Variants in HACD3 observed in about 807,000 individuals in gnomAD.
The protein encoded by HACD3 is very-long-chain (3R)-3-hydroxyacyl-CoA dehydratase 3.
Under a neutral mutation model 55.2 loss-of-function variants are expected in HACD3, and 30 were observed. That is an observed-to-expected ratio of 0.54 (90% CI 0.41 to 0.74). The LOEUF (loss-of-function observed/expected upper bound fraction) is 0.74, where lower values mean the gene tolerates loss of function less well. Among genes scored for constraint, HACD3 ranks in the 30% least tolerant of loss-of-function variants. The probability of loss-of-function intolerance (pLI) is 0.00; values close to 1 mark genes in which losing one functional copy is unlikely to be tolerated. For synonymous variants in HACD3, 141 were observed against 151.7 expected (o/e 0.93, Z 0.52); for missense variants, 363 against 440.1 (o/e 0.82, Z 1.57).
chr15:65,531,608 C>T (rs1386879544), intron 1 of HACD3, among the ~76,000 whole-genome samples: 1 of 151,952 alleles, frequency 6.6e-6, no homozygotes, highest in African/African-American at 2.4e-5. Context: ...TCTTGTCGCC[C>T]AGGCTGGAGT....
intron 2 of HACD3, 148 bp from the exon 3 acceptor site, chr15:65,554,739 C>T (rs965163676): frequency 1.0e-5 from 5 of 499,940 alleles, no homozygotes; most frequent in South Asian, 2.1e-5. Context: ...CATGCCACTG[C>T]ACTCCAGCCT....
At chr15:65,565,481 A>C (rs968886395) in intron 7 of HACD3, 2 of 152,288 alleles carry the variant, frequency 1.3e-5, no homozygotes, top group African/African-American at 4.8e-5. Flanking sequence ...GGAGGTTTCC[A>C]AACCTCAATT....
At chr15:65,540,374 A>T (rs1410436711) in intron 1 of HACD3, among the ~76,000 whole-genome samples, 1 of 152,230 alleles carries the variant, frequency 6.6e-6, no homozygotes, top group Non-Finnish European at 1.5e-5. Context: ...AATTACCTAG[A>T]TAAAGTGCTA....
At chr15:65,567,019 A>G (rs951634153) in intron 7 of HACD3, 21 of 152,196 alleles carry the variant, frequency 1.4e-4, no homozygotes, top group African/African-American at 5.1e-4. Context: ...GAAAAGTACA[A>G]TAATCAAACT....
intron 1 of HACD3, among the ~76,000 whole-genome samples, chr15:65,532,632 C>CA (rs564490649): frequency 0.02 from 1,300 of 66,424 alleles, 10 homozygotes; most frequent in African/African-American, 0.037. Context: ...AACTCTGTCT[C>CA]AAAAAAAAAA....
In HACD3 at chr15:65,532,359, C is replaced by T. The variant is rs571327195; in HGVS notation, c.87+1641C>T. The stretch of plus-strand genomic sequence containing the variant: ...GTACGGAACAGGCCAGGTGCTGTGG[C>T]TCACGCCTGTAATGCCAACACTTTG... On this transcript the variant is annotated intron_variant, in intron 1 of 10. Transcript: ENST00000261875. Among the ~76,000 whole-genome samples the T allele has an allele frequency of 4.6e-5, 7 of 152,312 alleles. No homozygotes were observed. The South Asian group carries it at 1.4e-3, about 32-fold the overall frequency.
At chr15:65,566,538 G>C in intron 7 of HACD3, 1 of 156,920 alleles carries the variant, frequency 6.4e-6, no homozygotes, top group Non-Finnish European at 1.4e-5. Context: ...GCCAGATCTT[G>C]TGAGACTTAT....
At chr15:65,532,613 C>T (rs898913044) in intron 1 of HACD3, among the ~76,000 whole-genome samples, 2 of 111,194 alleles carry the variant, frequency 1.8e-5, no homozygotes, top group Non-Finnish European at 3.7e-5. Flanking sequence ...GCCTGGGCAA[C>T]AAGAGTGAAA....
intron 1 of HACD3, among the ~76,000 whole-genome samples, chr15:65,541,959 G>A (rs2072023377): frequency 1.3e-5 from 2 of 152,038 alleles, no homozygotes; most frequent in East Asian, 1.9e-4. Context: ...GGCCGGGTGC[G>A]GTGGCTCACG....
intron 7 of HACD3, chr15:65,565,695 A>C (rs1026618908): frequency 6.6e-6 from 1 of 152,266 alleles, no homozygotes; most frequent in African/African-American, 2.4e-5. Flanking sequence ...AGGGACTGCC[A>C]TGAAGGCCTC....
intron 1 of HACD3, among the ~76,000 whole-genome samples, chr15:65,548,279 G>A (rs1322625739): frequency 2.6e-5 from 4 of 152,050 alleles, no homozygotes; most frequent in Non-Finnish European, 5.9e-5. Flanking sequence ...GTAGGCTGAG[G>A]TGGAGGATTA....
chr15:65,530,729 G>A lies in HACD3; in HGVS notation c.87+11G>A, dbSNP rs1446033884. On this transcript the variant is annotated intron_variant, in intron 1 of 10. Coordinates refer to ENST00000261875, the MANE Select transcript of HACD3 (RefSeq NM_016395.4). ...CTGAGTGACGTACAGGTAAAGGCCG[G>A]GTCGGGCGGCGGGAAGCGCGCGGGA... 1 of 1,541,852 alleles carries A rather than the reference G, an allele frequency of 6.5e-7. No homozygotes were observed. The highest frequency in any genetic ancestry group is 2.0e-5 in the Admixed American group (1 of 50,362).
intron 7 of HACD3, chr15:65,566,332 T>TA (rs2072290778): frequency 6.3e-6 from 1 of 157,676 alleles, no homozygotes; most frequent in Non-Finnish European, 1.4e-5. Context: ...TTTACTGTAT[T>TA]AGTCCGTTTT....
At chr15:65,541,129 A>G (rs542695171) in intron 1 of HACD3, among the ~76,000 whole-genome samples, 1 of 152,328 alleles carries the variant, frequency 6.6e-6, no homozygotes, top group East Asian at 1.9e-4. Flanking sequence ...TCTTGTTATA[A>G]ACAATTTCCA....
intron 1 of HACD3, among the ~76,000 whole-genome samples, chr15:65,532,428 C>G (rs959776565): frequency 7.2e-5 from 11 of 152,072 alleles, no homozygotes; most frequent in Admixed American, 7.2e-4. Context: ...GAGTTCGACA[C>G]CAGCCTGACC....
At position 65,537,694 on chromosome 15, in the gene HACD3, G is replaced by T. The variant is rs971762410; in HGVS notation, c.87+6976G>T. ...TTTAATCCCAGCTACTTGGGAGGCT[G>T]AGGCAGGAGAATCGCTTGGATCTGG... On this transcript the variant is annotated intron_variant, in intron 1 of 10. Transcript: ENST00000261875. 4.7e-5 allele frequency among the ~76,000 whole-genome samples: 7 copies of T among 148,396 alleles called. No homozygotes were observed. In the Admixed American group the frequency reaches 4.8e-4, roughly 10 times the overall value.
chr15:65,555,072 A>G (rs2072175619), intron 3 of HACD3, 112 bp downstream of exon 3: 1 of 829,520 alleles, frequency 1.2e-6, no homozygotes, highest in Non-Finnish European at 1.9e-6. Flanking sequence ...CCAAAGGGGA[A>G]TAATAGAGTT....
chr15:65,557,939 GT>G (rs11360331), intron 4 of HACD3, among the ~76,000 whole-genome samples: 84,070 of 110,270 alleles, frequency 0.76, 30,861 homozygotes, highest in East Asian at 0.85. Context: ...TTATGGGACT[GT>G]TTTTTTTTTT....
In HACD3 at chr15:65,567,332, AAAAT is replaced by A. The variant is rs2072301901; in HGVS notation, c.661-2755_661-2752del. Among the ~76,000 whole-genome samples the A allele has an allele frequency of 3.3e-5, 5 of 152,166 alleles. No homozygotes were observed. In the South Asian group the frequency reaches 1.0e-3, roughly 32 times the overall value. Reference sequence around the variant, plus strand: ...AGACCCCTGTCTCTAAAAAAAATAAAAAATAAAAATTTAATGGATAGTTTGTGTT... The same window carrying A: ...AGACCCCTGTCTCTAAAAAAAATAAAAAAAATTTAATGGATAGTTTGTGTT... On this transcript the variant is annotated intron_variant, in intron 7 of 10. Coordinates refer to ENST00000261875, the MANE Select transcript of HACD3 (RefSeq NM_016395.4).
Sources: gnomAD v4.1 joint callset for allele counts (sites outside exome capture counted in the v4.1 genomes callset) on GRCh38, gnomAD v4.1.1 for gene constraint, MANE v1.5 for transcripts, NCBI Gene and HGNC (gene_info 2026-07-23, HGNC 2026-07-21) for gene names.